PTPRG: variants seen among roughly 807,000 people sequenced by gnomAD.
PTPRG encodes the protein receptor-type tyrosine-protein phosphatase gamma.
Under a neutral mutation model 165.3 loss-of-function variants are expected in PTPRG, and 102 were observed. The observed-to-expected ratio is 0.62, with a 90% CI of 0.53 to 0.73. PTPRG has a LOEUF of 0.73. PTPRG is among the 30% of genes least tolerant of loss of function. The probability of loss-of-function intolerance (pLI) is 0.00; values close to 1 mark genes in which losing one functional copy is unlikely to be tolerated. For missense variants in PTPRG, 1,866 were observed against 1,861.4 expected (o/e 1.00, Z -0.05); for synonymous variants, 675 against 669.5 (o/e 1.01, Z -0.13).
intron 5 of PTPRG, among the ~76,000 whole-genome samples, chr3:62,089,590 T>G (rs1052067359): frequency 1.3e-5 from 2 of 152,188 alleles, no homozygotes; most frequent in Non-Finnish European, 2.9e-5. Context: ...TATCATCTCT[T>G]TATTATGATT....
intron 1 of PTPRG, among the ~76,000 whole-genome samples, chr3:61,627,280 G>A (rs1701639211): frequency 6.6e-6 from 1 of 152,168 alleles, no homozygotes; most frequent in Admixed American, 6.5e-5. Context: ...TCTGGAACTT[G>A]CTTTAGGATA....
chr3:61,632,812 C>T (rs1465786496), intron 1 of PTPRG, among the ~76,000 whole-genome samples: 1 of 152,166 alleles, frequency 6.6e-6, no homozygotes, highest in Admixed American at 6.5e-5. Flanking sequence ...CATCCCCCTC[C>T]CCTCCCTGCC....
intron 8 of PTPRG, among the ~76,000 whole-genome samples, chr3:62,176,284 A>G (rs533628002): frequency 4.7e-4 from 72 of 152,210 alleles, no homozygotes; most frequent in African/African-American, 1.6e-3. Flanking sequence ...GCAAAGTGAG[A>G]AATGGAGTAT....
rs1211165530 is a variant in PTPRG, at chr3:62,293,432, G to C, written c.*125G>C. The C allele has an allele frequency of 1.2e-6, 1 of 862,916 alleles. No homozygotes were observed. Among genetic ancestry groups the C allele is most frequent in the African/African-American group, 1.7e-5 (1 of 57,254 alleles). The allele number at this position is 862,916 out of a possible 1,614,324, so 53.5% of individuals were successfully genotyped here. A position where few individuals can be genotyped will look rare whatever the true frequency, so the allele number is the denominator to read the frequency against. On this transcript the variant is annotated 3_prime_UTR_variant, in exon 30 of 30. Transcript: ENST00000474889. ...ACTTTTTTACACTGATAAAAGTTTTGATATTTATTTTTTGCCATTTTATGT... is the reference window on the plus strand; with the variant it reads ...ACTTTTTTACACTGATAAAAGTTTTCATATTTATTTTTTGCCATTTTATGT...
intron 1 of PTPRG, among the ~76,000 whole-genome samples, chr3:61,680,203 A>T (rs890084226): frequency 6.6e-6 from 1 of 152,142 alleles, no homozygotes; most frequent in Non-Finnish European, 1.5e-5. Context: ...AAGTGTAATT[A>T]TTAACAGTGC....
chr3:62,054,378 G>A (rs931766523), intron 4 of PTPRG, among the ~76,000 whole-genome samples: 30 of 152,094 alleles, frequency 2.0e-4, no homozygotes, highest in Non-Finnish European at 2.5e-4. Flanking sequence ...TAATGTGTAC[G>A]TCACCTGTTT....
intron 2 of PTPRG, among the ~76,000 whole-genome samples, chr3:61,852,735 G>T (rs1107043): frequency 1.3e-5 from 2 of 152,174 alleles, no homozygotes; most frequent in South Asian, 2.1e-4. Flanking sequence ...GTTCACGGTG[G>T]CTATGGAGAT....
At chr3:61,575,831 G>A (rs537706904) in intron 1 of PTPRG, among the ~76,000 whole-genome samples, 1 of 151,976 alleles carries the variant, frequency 6.6e-6, no homozygotes, top group South Asian at 2.1e-4. Flanking sequence ...GGCTGGTCTC[G>A]AACTCCTGAA....
At chr3:62,088,994 C>T (rs1010807324) in intron 5 of PTPRG, among the ~76,000 whole-genome samples, 4 of 152,242 alleles carry the variant, frequency 2.6e-5, no homozygotes, top group South Asian at 2.1e-4. Flanking sequence ...TGCTACTCAC[C>T]TGTGCCCATT....
chr3:62,101,294 A>T (rs891122946), intron 5 of PTPRG, among the ~76,000 whole-genome samples: 1 of 152,222 alleles, frequency 6.6e-6, no homozygotes, highest in Admixed American at 6.5e-5. Flanking sequence ...TTGAAAGGGT[A>T]ATTTTCAGGA....
At chr3:61,951,890 C>T (rs1014472864) in intron 2 of PTPRG, among the ~76,000 whole-genome samples, 12 of 151,984 alleles carry the variant, frequency 7.9e-5, no homozygotes, top group South Asian at 2.1e-4. Context: ...GAGGCCGAGG[C>T]GGGCAGATCA....
chr3:61,933,118 G>C (rs1195857002), intron 2 of PTPRG, among the ~76,000 whole-genome samples: 1 of 152,158 alleles, frequency 6.6e-6, no homozygotes, highest in East Asian at 1.9e-4. Context: ...TCCTCAGAAA[G>C]CATAAATATG....
At chr3:62,151,473 A>G (rs1313352105) in intron 6 of PTPRG, among the ~76,000 whole-genome samples, 1 of 152,094 alleles carries the variant, frequency 6.6e-6, no homozygotes, top group African/African-American at 2.4e-5. Context: ...CATTTTTGCA[A>G]TTTGAATAAC....
chr3:62,284,979 A>C (rs1702586484), intron 28 of PTPRG, among the ~76,000 whole-genome samples: 1 of 152,128 alleles, frequency 6.6e-6, no homozygotes, highest in Non-Finnish European at 1.5e-5. Context: ...ACAGTTCAAA[A>C]GTCACTCTCT....
chr3:62,090,442 A>T (rs1226040591), intron 5 of PTPRG, among the ~76,000 whole-genome samples: 3 of 152,134 alleles, frequency 2.0e-5, no homozygotes, highest in Non-Finnish European at 4.4e-5. Flanking sequence ...AGGAAAAGAG[A>T]TGAATGTTTA....
At chr3:61,801,372 G>A (rs1043794173) in intron 2 of PTPRG, among the ~76,000 whole-genome samples, 1 of 150,812 alleles carries the variant, frequency 6.6e-6, no homozygotes, top group African/African-American at 2.4e-5. Flanking sequence ...GCAGTGGTGC[G>A]ATCATGGCTC....
At position 61,733,333 on chromosome 3, in the gene PTPRG, C is replaced by T. The variant is rs190847706; in HGVS notation, c.86-15545C>T. 1.5e-4 allele frequency among the ~76,000 whole-genome samples: 23 copies of T among 152,274 alleles called. 1 individual carries two copies. The highest frequency in any genetic ancestry group is 9.6e-4 in the East Asian group (5 of 5,186). On this transcript the variant is annotated intron_variant, in intron 1 of 29. Coordinates refer to ENST00000474889, the MANE Select transcript of PTPRG (RefSeq NM_002841.4). ...GGGGGTCCCAGTGGAGCTTCCTTTC[C>T]GTTTCTCTATCTGTTTAGAGTGTCT...
intron 8 of PTPRG, 64 bp from the exon 9 acceptor site, chr3:62,191,405 G>A (rs943498764): frequency 2.0e-6 from 3 of 1,513,918 alleles, no homozygotes; most frequent in African/African-American, 1.4e-5. Context: ...GCAGTCCTTA[G>A]GGGCACGGAT....
chr3:61,655,689 G>A (rs940332986), intron 1 of PTPRG, among the ~76,000 whole-genome samples: 1 of 152,010 alleles, frequency 6.6e-6, no homozygotes, highest in African/African-American at 2.4e-5. Context: ...CTCACTCCTG[G>A]CTCACTCCTG....
Sources: gnomAD v4.1 joint callset for allele counts (sites outside exome capture counted in the v4.1 genomes callset) on GRCh38, gnomAD v4.1.1 for gene constraint, MANE v1.5 for transcripts, NCBI Gene and HGNC (gene_info 2026-07-23, HGNC 2026-07-21) for gene names.